The following SLC44A1 variants were observed in gnomAD, a reference collection of about 807,000 sequenced individuals.
SLC44A1 encodes the protein choline transporter-like protein 1.
Under a neutral mutation model 79.3 loss-of-function variants are expected in SLC44A1, and 26 were observed. The observed-to-expected ratio is 0.33, with a 90% CI of 0.24 to 0.46. The LOEUF (loss-of-function observed/expected upper bound fraction) is 0.46. Among genes scored for constraint, SLC44A1 ranks in the 20% least tolerant of loss-of-function variants. The pLI is 1.00. For missense variants in SLC44A1, 688 were observed against 798.1 expected, an observed-to-expected ratio of 0.86 and a Z score of 1.66; for synonymous variants, 263 against 286.2, an observed-to-expected ratio of 0.92 and a Z score of 0.82.
chr9:105,370,107 G>A (rs1001549551), intron 12 of SLC44A1, among the ~76,000 whole-genome samples: 3 of 152,222 alleles, frequency 2.0e-5, no homozygotes, highest in African/African-American at 7.2e-5. Context: ...GAGAAGGTGG[G>A]TGGACTCTAA....
rs1312686931 is a variant in SLC44A1 at position 105,396,507 on chromosome 9, G to A, written c.*7451G>A. 4 of 985,228 alleles carry A rather than the reference G, an allele frequency of 4.1e-6. No individual in the cohort carries two copies. The African/African-American group carries it at 7.0e-5, about 17-fold the overall frequency. 61.0% of individuals were successfully genotyped at this position (985,228 alleles called of 1,614,324 possible). A position where few individuals can be genotyped will look rare whatever the true frequency, so the allele number is the denominator to read the frequency against. On this transcript the variant is annotated 3_prime_UTR_variant, in exon 16 of 16. Coordinates refer to ENST00000374720, the MANE Select transcript of SLC44A1 (RefSeq NM_080546.5). Reference sequence around the variant, plus strand: ...TAGAATAGAGCTCCTAGAATAATAAGGCGGCCAAATTTAAAGATCAGTCAA... The same window carrying A: ...TAGAATAGAGCTCCTAGAATAATAAAGCGGCCAAATTTAAAGATCAGTCAA...
rs374168300 is a variant in SLC44A1, at chr9:105,348,377, C to T, written c.426C>T (p.Tyr142=). ...CAACAGGTTCAGCCCTATGTAGCTACAACCTAAAGCCTTCTGAATACACTA... is the reference window on the plus strand; with the variant it reads ...CAACAGGTTCAGCCCTATGTAGCTATAACCTAAAGCCTTCTGAATACACTA... The part of the protein sequence containing the change: ...AEINGSALCS[Y]NLKPSEYTTS... The change falls in exon 5 of 16, where the codon TAC becomes TAT. Residue 142 remains tyrosine (Y), a synonymous_variant. Coordinates refer to ENST00000374720, the MANE Select transcript of SLC44A1 (RefSeq NM_080546.5). 1 of 1,608,898 alleles carries T rather than the reference C, an allele frequency of 6.2e-7. No homozygotes were observed.
intron 13 of SLC44A1, among the ~76,000 whole-genome samples, chr9:105,377,534 T>C (rs1828329072): frequency 6.6e-6 from 1 of 151,922 alleles, no homozygotes; most frequent in Admixed American, 6.5e-5. Context: ...GCAGATCACC[T>C]GAGGTCAGTA....
intron 3 of SLC44A1, among the ~76,000 whole-genome samples, chr9:105,334,995 C>G (rs1025102895): frequency 6.6e-6 from 1 of 151,932 alleles, no homozygotes; most frequent in African/African-American, 2.4e-5. Context: ...ATTTTAACAC[C>G]CAGCGATGAC....
rs1322888380 is a variant in SLC44A1 at position 105,393,066 on chromosome 9, G to A, written c.*4010G>A. On this transcript the variant is annotated 3_prime_UTR_variant, in exon 16 of 16. Coordinates refer to ENST00000374720, the MANE Select transcript of SLC44A1 (RefSeq NM_080546.5). ...TTCATACATTCCATCTGACACATAC[G>A]AGTGCACTATAATGGCTTGCCTAGA... 8.4e-5 allele frequency: 83 copies of A among 985,150 alleles called. No individual in the cohort carries two copies. The highest frequency in any genetic ancestry group is 9.8e-5 in the Non-Finnish European group (81 of 829,810). The allele number at this position is 985,150 out of a possible 1,614,324, so 61.0% of individuals were successfully genotyped here. A position where few individuals can be genotyped will look rare whatever the true frequency, so the allele number is the denominator to read the frequency against.
rs1828763984 is a variant in SLC44A1, at chr9:105,391,623, T to C, written c.*2567T>C. The C allele has an allele frequency of 2.0e-6, 2 of 985,232 alleles. No homozygotes were observed. Among genetic ancestry groups the C allele is most frequent in the Non-Finnish European group, 2.4e-6 (2 of 829,894 alleles). The allele number at this position is 985,232 out of a possible 1,614,324, so 61.0% of individuals were successfully genotyped here. Reference sequence around the variant, plus strand: ...AAGCCTCACAGAGGATTTTAAGCAATATTTAAATGTGTTGAGGTTATGTTT... The same window carrying C: ...AAGCCTCACAGAGGATTTTAAGCAACATTTAAATGTGTTGAGGTTATGTTT... On this transcript the variant is annotated 3_prime_UTR_variant, in exon 16 of 16. Coordinates refer to ENST00000374720, the MANE Select transcript of SLC44A1 (RefSeq NM_080546.5).
intron 3 of SLC44A1, among the ~76,000 whole-genome samples, chr9:105,315,012 A>G (rs992985848): frequency 6.6e-6 from 1 of 152,256 alleles, no homozygotes; most frequent in East Asian, 1.9e-4. Context: ...ATACACTAAA[A>G]TAGATCTGGT....
intron 3 of SLC44A1, among the ~76,000 whole-genome samples, chr9:105,329,404 G>A (rs920952488): frequency 1.3e-5 from 2 of 152,064 alleles, no homozygotes; most frequent in East Asian, 1.9e-4. Flanking sequence ...AGCCAAATTC[G>A]GCAGGAGGCG....
In SLC44A1 at chr9:105,395,947, C is replaced by T. The variant is rs558816048; in HGVS notation, c.*6891C>T. The T allele has an allele frequency of 7.9e-5, 77 of 980,316 alleles. No homozygotes were observed. The highest frequency in any genetic ancestry group is 5.7e-4 in the South Asian group (12 of 21,136). The allele number at this position is 980,316 out of a possible 1,614,324, so 60.7% of individuals were successfully genotyped here. A position where few individuals can be genotyped will look rare whatever the true frequency, so the allele number is the denominator to read the frequency against. On this transcript the variant is annotated 3_prime_UTR_variant, in exon 16 of 16. Coordinates refer to ENST00000374720, the MANE Select transcript of SLC44A1 (RefSeq NM_080546.5). ...TATTAGATACCCCACAGGAATGTGA[C>T]AATAATAGGATAGCTTTGGGGGCTG...
chr9:105,337,028 A>G (rs1280571267), intron 4 of SLC44A1, among the ~76,000 whole-genome samples: 2 of 152,216 alleles, frequency 1.3e-5, no homozygotes, highest in Non-Finnish European at 2.9e-5. Context: ...ACTTGAATAA[A>G]GAAGTGCCAA....
intron 1 of SLC44A1, among the ~76,000 whole-genome samples, chr9:105,276,667 A>T (rs1250732723): frequency 6.9e-6 from 1 of 145,502 alleles, no homozygotes; most frequent in Non-Finnish European, 1.5e-5. Context: ...CCTCACTGGG[A>T]TGAGGGGGCA....
intron 1 of SLC44A1, among the ~76,000 whole-genome samples, chr9:105,249,403 T>C (rs1398729068): frequency 1.3e-5 from 2 of 152,336 alleles, no homozygotes; most frequent in African/African-American, 2.4e-5. Flanking sequence ...ACAGAAGTCA[T>C]GGCATGAAGC....
intron 13 of SLC44A1, among the ~76,000 whole-genome samples, chr9:105,375,271 C>T (rs1326252224): frequency 6.6e-6 from 1 of 152,194 alleles, no homozygotes; most frequent in Non-Finnish European, 1.5e-5. Flanking sequence ...AACTCCTGAG[C>T]TCAGGTGATC....
At chr9:105,318,237 TG>T (rs34222278) in intron 3 of SLC44A1, among the ~76,000 whole-genome samples, 20,807 of 152,134 alleles carry the variant, frequency 0.14, 3,627 homozygotes, top group African/African-American at 0.41. Context: ...TGGAGTGCAA[TG>T]GGCAAGATCT....
chr9:105,264,493 A>G (rs986344903), intron 1 of SLC44A1, among the ~76,000 whole-genome samples: 8 of 152,108 alleles, frequency 5.3e-5, no homozygotes, highest in Admixed American at 1.3e-4. Flanking sequence ...TCTTATGACT[A>G]AGTGGTTGCT....
intron 10 of SLC44A1, among the ~76,000 whole-genome samples, chr9:105,365,189 T>C (rs1381594431): frequency 6.6e-6 from 1 of 152,226 alleles, no homozygotes; most frequent in Non-Finnish European, 1.5e-5. Flanking sequence ...TTCTGTTTTC[T>C]GATGACCCCA....
intron 5 of SLC44A1, among the ~76,000 whole-genome samples, chr9:105,354,686 G>A (rs1306292992): frequency 6.6e-6 from 1 of 152,140 alleles, no homozygotes; most frequent in African/African-American, 2.4e-5. Flanking sequence ...ACTAAGGCAA[G>A]GCTAGATCTT....
chr9:105,322,592 A>G (rs1826427656), intron 3 of SLC44A1, among the ~76,000 whole-genome samples: 1 of 152,210 alleles, frequency 6.6e-6, no homozygotes, highest in Non-Finnish European at 1.5e-5. Flanking sequence ...AACCTGTTCC[A>G]AAGGACAACA....
At chr9:105,249,563 C>T (rs327954) in intron 1 of SLC44A1, among the ~76,000 whole-genome samples, 21,624 of 149,556 alleles carry the variant, frequency 0.14, 1,852 homozygotes, top group African/African-American at 0.24. Context: ...TGGCTCTCAT[C>T]GCCCAGGCTG....
Sources: allele counts gnomAD v4.1 joint callset (sites outside exome capture counted in the v4.1 genomes callset), GRCh38; gene constraint gnomAD v4.1.1; transcripts MANE v1.5; gene names NCBI Gene and HGNC (gene_info 2026-07-23, HGNC 2026-07-21).